RSU1: variants seen among roughly 807,000 people sequenced by gnomAD.
RSU1 encodes Ras suppressor protein 1.
In RSU1, 26 loss-of-function variants were observed where a neutral mutation model predicts 31.1. The ratio of observed to expected loss-of-function variants is 0.84; its 90% confidence interval spans 0.61 to 1.16. The LOEUF (loss-of-function observed/expected upper bound fraction) is 1.16. Among genes scored for constraint, RSU1 ranks in the 50% most tolerant of loss-of-function variants. RSU1 has a pLI of 0.00. For missense variants in RSU1, 320 were observed against 339.1 expected, an observed-to-expected ratio of 0.94 and a Z score of 0.44; for synonymous variants, 164 against 136.3, an observed-to-expected ratio of 1.20 and a Z score of -1.41.
chr10:16,710,132 A>T (rs1042500721), intron 7 of RSU1, among the ~76,000 whole-genome samples: 4 of 152,166 alleles, frequency 2.6e-5, no homozygotes, highest in African/African-American at 9.7e-5. Flanking sequence ...ATTCAGTATG[A>T]TGTCAGCTGT....
chr10:16,631,363 G>A (rs747850516), intron 8 of RSU1, among the ~76,000 whole-genome samples: 1 of 152,180 alleles, frequency 6.6e-6, no homozygotes, highest in Non-Finnish European at 1.5e-5. Context: ...GCACGGCAGG[G>A]ACATGGCCAC....
At chr10:16,725,543 C>A (rs1004955773) in intron 7 of RSU1, among the ~76,000 whole-genome samples, 2 of 152,044 alleles carry the variant, frequency 1.3e-5, no homozygotes, top group African/African-American at 4.8e-5. Context: ...TGTTTACAAG[C>A]ACACCTAAAC....
chr10:16,680,839 G>T (rs762143382), intron 8 of RSU1, among the ~76,000 whole-genome samples: 52 of 152,114 alleles, frequency 3.4e-4, no homozygotes, highest in Non-Finnish European at 1.2e-4. Flanking sequence ...AGGAAAAAAT[G>T]AAACAACAAA....
chr10:16,816,177 A>G (rs2131284383), intron 2 of RSU1, among the ~76,000 whole-genome samples: 1 of 152,350 alleles, frequency 6.6e-6, no homozygotes. Context: ...TCACATAAAA[A>G]TATAGAATCT....
intron 4 of RSU1, among the ~76,000 whole-genome samples, chr10:16,758,062 T>G (rs1438894960): frequency 2.0e-5 from 3 of 152,120 alleles, no homozygotes; most frequent in African/African-American, 7.2e-5. Flanking sequence ...CCTTTTTCCT[T>G]TGAGTGACAA....
At chr10:16,724,487 C>T (rs937922035) in intron 7 of RSU1, among the ~76,000 whole-genome samples, 2 of 152,094 alleles carry the variant, frequency 1.3e-5, no homozygotes, top group South Asian at 2.1e-4. Flanking sequence ...GATTTTTCTC[C>T]GTCCTAAAAG....
chr10:16,749,075 C>T (rs1296071300), intron 7 of RSU1, among the ~76,000 whole-genome samples: 3 of 152,124 alleles, frequency 2.0e-5, no homozygotes, highest in African/African-American at 7.2e-5. Context: ...CAAAGGTCTG[C>T]CCTCAAATAG....
chr10:16,741,821 G>A (rs1350036349), intron 7 of RSU1, among the ~76,000 whole-genome samples: 1 of 152,186 alleles, frequency 6.6e-6, no homozygotes, highest in Non-Finnish European at 1.5e-5. Context: ...CCAGGTGAGA[G>A]ATGAGGGTGG....
At chr10:16,649,983 G>C (rs1227009764) in intron 8 of RSU1, among the ~76,000 whole-genome samples, 1 of 152,100 alleles carries the variant, frequency 6.6e-6, no homozygotes, top group Non-Finnish European at 1.5e-5. Flanking sequence ...CCTTCCCAAG[G>C]AACTTTTAGA....
chr10:16,792,763 C>G (rs1284393577), intron 2 of RSU1, among the ~76,000 whole-genome samples: 1 of 152,222 alleles, frequency 6.6e-6, no homozygotes, highest in Non-Finnish European at 1.5e-5. Context: ...TTAACTGGAT[C>G]TTAACATACA....
chr10:16,802,124 A>G (rs61690470), intron 2 of RSU1, among the ~76,000 whole-genome samples: 47,850 of 151,056 alleles, frequency 0.32, 9,859 homozygotes, highest in African/African-American at 0.6. Context: ...AATAGAGAAA[A>G]TCTCTGAGTA....
chr10:16,659,333 A>G (rs1422054507), intron 8 of RSU1, among the ~76,000 whole-genome samples: 1 of 140,014 alleles, frequency 7.1e-6, no homozygotes, highest in African/African-American at 2.6e-5. Context: ...TAGTTCTTTG[A>G]AAGTTCTACT....
chr10:16,605,117 A>G (rs1191727460), intron 8 of RSU1, among the ~76,000 whole-genome samples: 1 of 152,158 alleles, frequency 6.6e-6, no homozygotes, highest in Admixed American at 6.5e-5. Flanking sequence ...AAAATCATCA[A>G]AATAATCCCC....
At chr10:16,760,654 C>G (rs1368965072) in intron 4 of RSU1, among the ~76,000 whole-genome samples, 1 of 152,070 alleles carries the variant, frequency 6.6e-6, no homozygotes, top group Admixed American at 6.5e-5. Context: ...TTGTATTTTT[C>G]AGCTGCCCAA....
intron 8 of RSU1, among the ~76,000 whole-genome samples, chr10:16,679,869 GTTTTTTTTTTTT>G (rs71374699): frequency 8.0e-6 from 1 of 124,654 alleles, no homozygotes; most frequent in South Asian, 2.9e-4. Context: ...AAAGACTCAA[GTTTTTTTTTTTT>G]TTTTTTTTTT....
chr10:16,709,529 T>C (rs1475295133), intron 7 of RSU1, among the ~76,000 whole-genome samples: 3 of 152,146 alleles, frequency 2.0e-5, no homozygotes, highest in Non-Finnish European at 2.9e-5. Context: ...GATGGCTGGG[T>C]CAAATGGTAT....
chr10:16,786,888 C>G (rs191189463), intron 2 of RSU1, among the ~76,000 whole-genome samples: 6 of 152,258 alleles, frequency 3.9e-5, no homozygotes, highest in African/African-American at 1.4e-4. Flanking sequence ...AAGTTTGGTA[C>G]TGATTCTTAA....
intron 8 of RSU1, among the ~76,000 whole-genome samples, chr10:16,626,922 G>A (rs931697424): frequency 5.9e-5 from 9 of 152,208 alleles, no homozygotes; most frequent in African/African-American, 1.4e-4. Flanking sequence ...GTGGGTAGTC[G>A]TGGAAACGAA....
intron 5 of RSU1, 123 bp from the exon 6 acceptor site, chr10:16,753,123 C>T (rs34103331): frequency 3.1e-6 from 2 of 651,852 alleles, no homozygotes; most frequent in Non-Finnish European, 2.7e-6. Context: ...TTTGACATAC[C>T]TAGGGCTCCC....
Sources: allele counts gnomAD v4.1 joint callset (sites outside exome capture counted in the v4.1 genomes callset), GRCh38; gene constraint gnomAD v4.1.1; transcripts MANE v1.5; gene names NCBI Gene and HGNC (gene_info 2026-07-23, HGNC 2026-07-21).